The following NSUN7 variants were observed in gnomAD, a reference collection of about 807,000 sequenced individuals.
The protein encoded by NSUN7 is protein NSUN7.
In NSUN7, 39 loss-of-function variants were observed where a neutral mutation model predicts 58.5. The observed-to-expected ratio is 0.67, with a 90% confidence interval of 0.52 to 0.87. The LOEUF is 0.87. Ranked by LOEUF, NSUN7 falls within the 40% of genes least tolerant of loss-of-function variation. The pLI, the probability that NSUN7 is intolerant of heterozygous loss-of-function variation, is 0.00. For synonymous variants in NSUN7, 278 were observed against 303.7 expected, an observed-to-expected ratio of 0.92 and a Z score of 0.88; for missense variants, 765 against 844.1, an observed-to-expected ratio of 0.91 and a Z score of 1.16.
At chr4:40,768,042 C>T (rs1183795053) in intron 4 of NSUN7, among the ~76,000 whole-genome samples, 1 of 152,100 alleles carries the variant, frequency 6.6e-6, no homozygotes, top group East Asian at 1.9e-4. Flanking sequence ...TCCCTGTAGC[C>T]AATGAAGTGG....
At position 40,758,606 on chromosome 4, in the gene NSUN7, C is replaced by A. The variant is rs370096678; in HGVS notation, c.299-1828C>A. 9.2e-5 allele frequency among the ~76,000 whole-genome samples: 14 copies of A among 152,116 alleles called. No homozygotes were observed. The East Asian group carries it at 2.5e-3, about 27-fold the overall frequency. ...TTGGGAAGCCAAAGTGGGCAGATCA[C>A]TTGAGGCCAGGAGTTTGAGACCAAC... On this transcript the variant is annotated intron_variant, in intron 2 of 11. Transcript: ENST00000381782.
intron 7 of NSUN7, among the ~76,000 whole-genome samples, chr4:40,784,538 A>T (rs1742719832): frequency 6.6e-6 from 1 of 152,220 alleles, no homozygotes; most frequent in African/African-American, 2.4e-5. Context: ...TTATGATTAC[A>T]TTTTGGGGGA....
intron 4 of NSUN7, among the ~76,000 whole-genome samples, chr4:40,773,959 C>T (rs1018603197): frequency 1.2e-4 from 19 of 152,014 alleles, no homozygotes; most frequent in Admixed American, 3.9e-4. Flanking sequence ...CCACCACGCC[C>T]GGCTAATTTT....
chr4:40,756,388 C>G (rs965899297), intron 2 of NSUN7, among the ~76,000 whole-genome samples: 3 of 152,196 alleles, frequency 2.0e-5, no homozygotes. Flanking sequence ...ATCCCTGAAG[C>G]AGACTGAAGA....
intron 2 of NSUN7, among the ~76,000 whole-genome samples, chr4:40,751,447 CCT>C (rs1259904450): frequency 6.6e-6 from 1 of 152,022 alleles, no homozygotes; most frequent in African/African-American, 2.4e-5. Flanking sequence ...CTTTCCATTC[CCT>C]GTGTTTACCT....
rs1743039314 is a variant in NSUN7, at chr4:40,790,702, G to A, written c.1137G>A (p.Leu379=). 1.9e-6 allele frequency: 3 copies of A among 1,597,474 alleles called. No individual in the cohort carries two copies. The highest frequency in any genetic ancestry group is 8.5e-7 in the Non-Finnish European group (1 of 1,173,390). ...VILLLPRCSG[L]GVSNPVEFIL... is the part of the protein sequence containing the mutation. ...TGCTGCTACCTCGTTGTTCAGGACTGGGTGTTAGTAATCCAGTAGAATTTA... is the reference window on the plus strand; with the variant it reads ...TGCTGCTACCTCGTTGTTCAGGACTAGGTGTTAGTAATCCAGTAGAATTTA... Residue 379 remains leucine (L), a synonymous_variant, in exon 8 of 12, where the codon CTG becomes CTA. Transcript: ENST00000381782.
At chr4:40,799,529 C>A (rs924668405) in intron 10 of NSUN7, among the ~76,000 whole-genome samples, 1 of 150,906 alleles carries the variant, frequency 6.6e-6, no homozygotes, top group Non-Finnish European at 1.5e-5. Flanking sequence ...ATATGGCAAA[C>A]GTGGAGGAAT....
Position 40,809,102 on chromosome 4 carries a change from A to G in NSUN7, c.*163A>G, listed in dbSNP as rs1441432022. ...TTCAGAGAATTCAGACAAGTGAGAAACAATAATGTAGGAGTCAGCAAAGCA... is the reference window on the plus strand; with the variant it reads ...TTCAGAGAATTCAGACAAGTGAGAAGCAATAATGTAGGAGTCAGCAAAGCA... On this transcript the variant is annotated 3_prime_UTR_variant, in exon 12 of 12. Transcript: ENST00000381782. 10 of 751,138 alleles carry G rather than the reference A, an allele frequency of 1.3e-5. No individual in the cohort carries two copies. In the South Asian group the frequency reaches 1.4e-4, roughly 10 times the overall value. The allele number at this position is 751,138 out of a possible 1,614,324, so 46.5% of individuals were successfully genotyped here.
At chr4:40,758,056 G>A (rs553029318) in intron 2 of NSUN7, among the ~76,000 whole-genome samples, 2 of 151,996 alleles carry the variant, frequency 1.3e-5, no homozygotes, top group Admixed American at 1.3e-4. Context: ...AAGTAGGTGG[G>A]ATTAGAGGTG....
chr4:40,786,179 T>A (rs1742812734), intron 7 of NSUN7: 3 of 1,613,558 alleles, frequency 1.9e-6, no homozygotes, highest in African/African-American at 2.7e-5. Context: ...TCCTTCCACA[T>A]TGTTATTCTG....
intron 8 of NSUN7, 54 bp from the exon 9 acceptor site, chr4:40,794,321 T>C (rs1743226141): frequency 1.1e-6 from 1 of 929,954 alleles, no homozygotes; most frequent in South Asian, 1.6e-5. Flanking sequence ...GATAACAATA[T>C]GTAAAAAGTT....
intron 11 of NSUN7, 116 bp downstream of exon 11, chr4:40,807,300 A>G (rs2092898352): frequency 2.1e-6 from 2 of 954,906 alleles, no homozygotes; most frequent in Non-Finnish European, 3.0e-6. Context: ...CATTTCACAA[A>G]CACATTTCAG....
chr4:40,800,584 C>T (rs1743537046), intron 10 of NSUN7, among the ~76,000 whole-genome samples: 1 of 152,200 alleles, frequency 6.6e-6, no homozygotes, highest in South Asian at 2.1e-4. Context: ...AAGTGATCCA[C>T]CTGCCTTGGC....
At chr4:40,754,792 A>G (rs1741057079) in intron 2 of NSUN7, among the ~76,000 whole-genome samples, 1 of 152,186 alleles carries the variant, frequency 6.6e-6, no homozygotes, top group Non-Finnish European at 1.5e-5. Context: ...TCTTAATTAT[A>G]CTAATGTTAA....
intron 4 of NSUN7, among the ~76,000 whole-genome samples, chr4:40,765,610 A>C (rs967137843): frequency 0.011 from 1,641 of 152,122 alleles, 8 homozygotes; most frequent in Middle Eastern, 0.017. Context: ...TTTTCCAATT[A>C]TGTGAAGAAA....
intron 4 of NSUN7, among the ~76,000 whole-genome samples, chr4:40,767,991 G>A (rs1344200997): frequency 2.6e-5 from 4 of 152,010 alleles, no homozygotes; most frequent in African/African-American, 7.3e-5. Context: ...GAGGAAATTC[G>A]ATTGCCTCAG....
At chr4:40,767,448 C>G (rs1741790349) in intron 4 of NSUN7, among the ~76,000 whole-genome samples, 1 of 152,158 alleles carries the variant, frequency 6.6e-6, no homozygotes, top group African/African-American at 2.4e-5. Flanking sequence ...GACTGAGAGA[C>G]AGTTTATTAT....
intron 10 of NSUN7, 114 bp from the exon 11 acceptor site, chr4:40,806,945 TTC>T: frequency 9.4e-7 from 1 of 1,065,144 alleles, no homozygotes; most frequent in South Asian, 1.6e-5. Context: ...TGATTGGAAT[TTC>T]TGTTTAAACG....
chr4:40,794,168 T>A lies in NSUN7; in HGVS notation c.1181-207T>A, dbSNP rs1457862292. On this transcript the variant is annotated intron_variant, in intron 8 of 11. Transcript: ENST00000381782. ...ATATTAAATATTTTCAATATTGTTT[T>A]TGAAAAGCAATATTAAAATGAAACA... Among the ~76,000 whole-genome samples the A allele has an allele frequency of 2.0e-5, 3 of 152,212 alleles. No individual in the cohort carries two copies. In the East Asian group the frequency reaches 5.8e-4, roughly 29 times the overall value.
Sources: allele counts gnomAD v4.1 joint callset (sites outside exome capture counted in the v4.1 genomes callset), GRCh38; gene constraint gnomAD v4.1.1; transcripts MANE v1.5; gene names NCBI Gene and HGNC (gene_info 2026-07-23, HGNC 2026-07-21).